ANKRD36B: variants seen among roughly 807,000 people sequenced by gnomAD.
ANKRD36B encodes the protein ankyrin repeat domain-containing protein 36B.
ANKRD36B carries 37 observed loss-of-function variants against 135.7 expected under a neutral mutation model. That is an observed-to-expected ratio of 0.27 (90% CI 0.21 to 0.36). ANKRD36B has a LOEUF of 0.36. Among genes scored for constraint, ANKRD36B ranks in the 10% least tolerant of loss-of-function variants. ANKRD36B has a pLI of 1.00. For missense variants in ANKRD36B, 549 were observed against 1,037.1 expected (o/e 0.53, Z 6.46); for synonymous variants, 179 against 348.1 (o/e 0.51, Z 5.41).
In ANKRD36B at chr2:97,581,930, TC is replaced by T. The variant is rs2082661912; in HGVS notation, c.451-1363del. Among the ~76,000 whole-genome samples the T allele has an allele frequency of 2.0e-5, 3 of 151,566 alleles. No homozygotes were observed. The South Asian group carries it at 6.3e-4, about 32-fold the overall frequency. ...CACGAGAAATTCTCCTGCCTCAGCCTCCCGAGTAGCTGGGACTACAGGCGTG... is the reference window on the plus strand; with the variant it reads ...CACGAGAAATTCTCCTGCCTCAGCCTCCGAGTAGCTGGGACTACAGGCGTG... On this transcript the variant is annotated intron_variant, in intron 3 of 43. Coordinates refer to ENST00000359901, the MANE Select transcript of ANKRD36B (RefSeq NM_001393939.1).
intron 35 of ANKRD36B, 143 bp from the exon 36 acceptor site, chr2:97,523,610 T>C: frequency 2.2e-6 from 1 of 463,446 alleles, no homozygotes; most frequent in Non-Finnish European, 3.9e-6. Context: ...AGCAATTTCC[T>C]TTATGTTGAC....
chr2:97,559,924 T>G (rs1243088860), intron 8 of ANKRD36B, among the ~76,000 whole-genome samples: 1 of 151,934 alleles, frequency 6.6e-6, no homozygotes, highest in Non-Finnish European at 1.5e-5. Context: ...GAAGCCAATG[T>G]ATTCATATGC....
chr2:97,554,987 T>C, intron 14 of ANKRD36B, 73 bp downstream of exon 14: 2 of 1,540,420 alleles, frequency 1.3e-6, no homozygotes, highest in East Asian at 4.7e-5. Context: ...GCCCCCCCAC[T>C]GATTTATTTG....
chr2:97,552,161 G>C (rs544875616), intron 16 of ANKRD36B, among the ~76,000 whole-genome samples: 76 of 151,922 alleles, frequency 5.0e-4, no homozygotes, highest in African/African-American at 1.8e-3. Flanking sequence ...TAATATACTA[G>C]CCTCAATAAA....
At chr2:97,565,666 C>T (rs2081370693) in intron 6 of ANKRD36B, among the ~76,000 whole-genome samples, 1 of 152,092 alleles carries the variant, frequency 6.6e-6, no homozygotes, top group Admixed American at 6.5e-5. Context: ...CATCTCATGC[C>T]ATTTAGAAAG....
intron 6 of ANKRD36B, among the ~76,000 whole-genome samples, chr2:97,573,148 G>C (rs2081997442): frequency 6.6e-6 from 1 of 151,964 alleles, no homozygotes; most frequent in East Asian, 1.9e-4. Context: ...CCAGCTATGA[G>C]TGACAACATG....
intron 6 of ANKRD36B, among the ~76,000 whole-genome samples, chr2:97,568,572 C>G (rs1018754228): frequency 6.6e-6 from 1 of 152,118 alleles, no homozygotes; most frequent in Non-Finnish European, 1.5e-5. Context: ...TCATTTTTAG[C>G]TCCTTCAAAA....
chr2:97,579,374 C>T (rs907389535), intron 4 of ANKRD36B, among the ~76,000 whole-genome samples: 11 of 140,110 alleles, frequency 7.9e-5, no homozygotes, highest in Non-Finnish European at 7.8e-5. Context: ...TAGTCTGATA[C>T]TATACATTAT....
rs369162921 is a variant in ANKRD36B at position 97,529,253 on chromosome 2, G to C, written c.2265+3058C>G. 2.1e-5 allele frequency among the ~76,000 whole-genome samples: 2 copies of C among 94,902 alleles called. 1 individual carries two copies. The highest frequency in any genetic ancestry group is 5.6e-5 in the Non-Finnish European group (2 of 35,800). 62.3% of individuals were successfully genotyped at this position (94,902 alleles called of 152,430 possible). On this transcript the variant is annotated intron_variant, in intron 35 of 43. Coordinates refer to ENST00000359901, the MANE Select transcript of ANKRD36B (RefSeq NM_001393939.1). ...GGGATGCAAGGCTGGTTCAATATAC[G>C]CAAATCAATAAATGTAATCCAGCTT...
Position 97,538,452 on chromosome 2 carries a change from C to A in ANKRD36B, c.1988-89G>T. 3 of 744,198 alleles carry A rather than the reference C, an allele frequency of 4.0e-6. 1 individual carries two copies. The highest frequency in any genetic ancestry group is 1.5e-5 in the South Asian group (1 of 66,644). 46.1% of individuals were successfully genotyped at this position (744,198 alleles called of 1,614,324 possible). A position where few individuals can be genotyped will look rare whatever the true frequency, so the allele number is the denominator to read the frequency against. On this transcript the variant is annotated intron_variant, in intron 30 of 43. Transcript: ENST00000359901. ...ATGCAGTGTTAGCATCAAGCTGTAT[C>A]CTCCTGCCTGTACTAGTGTAGGATT...
chr2:97,553,498 T>A, intron 14 of ANKRD36B, 127 bp from the exon 15 acceptor site: 1 of 1,201,486 alleles, frequency 8.3e-7, no homozygotes, highest in Non-Finnish European at 1.2e-6. Flanking sequence ...TGTTTTCTAC[T>A]TTATGTCTTA....
chr2:97,563,236 C>CTTGAAAACATGTCAGTAA (rs2081181130), intron 6 of ANKRD36B, among the ~76,000 whole-genome samples: 1 of 151,794 alleles, frequency 6.6e-6, no homozygotes. Context: ...CTTGTGAAGA[C>CTTGAAAACATGTCAGTAA]TTGAAAACAT....
At chr2:97,548,424 T>C (rs1463529449) in intron 20 of ANKRD36B, among the ~76,000 whole-genome samples, 1 of 151,956 alleles carries the variant, frequency 6.6e-6, no homozygotes, top group Non-Finnish European at 1.5e-5. Context: ...TCAATAAAAA[T>C]ATCATCAATT....
intron 18 of ANKRD36B, 87 bp downstream of exon 18, chr2:97,551,202 C>G: frequency 6.7e-7 from 1 of 1,497,768 alleles, no homozygotes; most frequent in Non-Finnish European, 9.0e-7. Context: ...GAATGTGCAG[C>G]TTCGACCAGC....
intron 6 of ANKRD36B, among the ~76,000 whole-genome samples, chr2:97,575,461 A>G (rs2082166608): frequency 6.6e-6 from 1 of 151,822 alleles, no homozygotes; most frequent in African/African-American, 2.4e-5. Flanking sequence ...GCCAGTACAC[A>G]ACCTGGAAAC....
intron 1 of ANKRD36B, among the ~76,000 whole-genome samples, chr2:97,587,045 C>T (rs552300129): frequency 8.5e-5 from 13 of 152,048 alleles, no homozygotes; most frequent in Non-Finnish European, 1.8e-4. Flanking sequence ...CATGGTGGCG[C>T]ACACCTGTAA....
intron 6 of ANKRD36B, among the ~76,000 whole-genome samples, chr2:97,567,305 C>G (rs2081518836): frequency 6.7e-6 from 1 of 148,172 alleles, no homozygotes; most frequent in South Asian, 2.2e-4. Context: ...CAAATCCAAT[C>G]CTTTTGGGAT....
At chr2:97,564,433 TAGTCATGA>T (rs1458911946) in intron 6 of ANKRD36B, among the ~76,000 whole-genome samples, 1 of 152,212 alleles carries the variant, frequency 6.6e-6, no homozygotes, top group Non-Finnish European at 1.5e-5. Context: ...TTTGGTGTTT[TAGTCATGA>T]AGTATTTGCC....
At chr2:97,558,930 GTTA>G (rs771392530) in intron 9 of ANKRD36B, 33 bp downstream of exon 9, 1 of 1,606,660 alleles carries the variant, frequency 6.2e-7, no homozygotes, top group East Asian at 2.2e-5. Flanking sequence ...AGACTATACG[GTTA>G]ATAGTTCAAC....
Sources: gnomAD v4.1 joint callset for allele counts (sites outside exome capture counted in the v4.1 genomes callset) on GRCh38, gnomAD v4.1.1 for gene constraint, MANE v1.5 for transcripts, NCBI Gene and HGNC (gene_info 2026-07-23, HGNC 2026-07-21) for gene names.